The following GRM8 variants were observed in gnomAD, a reference collection of about 807,000 sequenced individuals.
The protein encoded by GRM8 is glutamate metabotropic receptor 8, also known as metabotropic glutamate receptor 8.
GRM8 carries 47 observed loss-of-function variants against 87.2 expected under a neutral mutation model. That is an observed-to-expected ratio of 0.54 (90% CI 0.43 to 0.69). The LOEUF is 0.69. GRM8 is among the 30% of genes least tolerant of loss of function. The pLI is 0.00. For synonymous variants in GRM8, 396 were observed against 404.5 expected, an observed-to-expected ratio of 0.98 and a Z score of 0.25; for missense variants, 1,019 against 1,139.2, an observed-to-expected ratio of 0.89 and a Z score of 1.52.
intron 3 of GRM8, among the ~76,000 whole-genome samples, chr7:127,082,834 G>A (rs1823013376): frequency 6.6e-6 from 1 of 152,224 alleles, no homozygotes; most frequent in Non-Finnish European, 1.5e-5. Flanking sequence ...CTTGTTTACA[G>A]ATGTGGCAGG....
Position 126,806,705 on chromosome 7 carries a change from C to T in GRM8, c.1157-36640G>A, listed in dbSNP as rs1433279979. ...CTTCACCTGTCACTGGCATGCGTCG[C>T]GGGACTTTGCGGCACCTAGCCAGCC... On this transcript the variant is annotated intron_variant, in intron 6 of 10. Coordinates refer to ENST00000339582, the MANE Select transcript of GRM8 (RefSeq NM_000845.3). Among the ~76,000 whole-genome samples the T allele has an allele frequency of 5.9e-5, 9 of 152,238 alleles. No homozygotes were observed. The East Asian group carries it at 7.7e-4, about 13-fold the overall frequency.
At position 127,142,923 on chromosome 7, in the gene GRM8, TAA is replaced by T. The variant is rs576048276; in HGVS notation, c.511-36213_511-36212del. ...AGTGTAAGTCATGATTTAAAAAAAATAAATAACCATTTGAAAGCCACTGTTGA... is the reference window on the plus strand; with the variant it reads ...AGTGTAAGTCATGATTTAAAAAAAATATAACCATTTGAAAGCCACTGTTGA... On this transcript the variant is annotated intron_variant, in intron 2 of 10. Coordinates refer to ENST00000339582, the MANE Select transcript of GRM8 (RefSeq NM_000845.3). Among the ~76,000 whole-genome samples, 174 of 152,244 alleles carry T rather than the reference TAA, an allele frequency of 1.1e-3. 1 individual carries two copies. Among genetic ancestry groups the T allele is most frequent in the African/African-American group, 4.2e-3 (173 of 41,552 alleles).
chr7:126,576,102 T>C (rs1335659917), intron 8 of GRM8, among the ~76,000 whole-genome samples: 1 of 152,140 alleles, frequency 6.6e-6, no homozygotes, highest in Non-Finnish European at 1.5e-5. Flanking sequence ...GCAAAGTCAA[T>C]GCCCCATGTA....
chr7:127,210,487 C>T (rs1270873353), intron 2 of GRM8, among the ~76,000 whole-genome samples: 1 of 152,174 alleles, frequency 6.6e-6, no homozygotes, highest in African/African-American at 2.4e-5. Context: ...CCATTCAAGT[C>T]AAAACTGGAT....
At chr7:127,194,787 C>G (rs1795198339) in intron 2 of GRM8, among the ~76,000 whole-genome samples, 1 of 152,190 alleles carries the variant, frequency 6.6e-6, no homozygotes, top group Middle Eastern at 3.4e-3. Context: ...ACTCCTTAGT[C>G]ACACTTACAT....
chr7:126,544,214 G>C (rs1816870186), intron 8 of GRM8, among the ~76,000 whole-genome samples: 4 of 152,166 alleles, frequency 2.6e-5, no homozygotes, highest in African/African-American at 7.2e-5. Context: ...TTAGGACTTA[G>C]TAGGAGTTCC....
At chr7:126,590,272 G>T (rs763323097) in intron 8 of GRM8, among the ~76,000 whole-genome samples, 8 of 151,638 alleles carry the variant, frequency 5.3e-5, no homozygotes, top group Non-Finnish European at 1.2e-4. Context: ...ACAAGCAGAA[G>T]AAAGAACTTC....
At chr7:127,180,419 C>A (rs1794369152) in intron 2 of GRM8, among the ~76,000 whole-genome samples, 1 of 151,772 alleles carries the variant, frequency 6.6e-6, no homozygotes, top group Non-Finnish European at 1.5e-5. Context: ...TACCAGACAT[C>A]CAAAAAAGAA....
At chr7:126,811,206 C>G (rs1204208332) in intron 6 of GRM8, among the ~76,000 whole-genome samples, 1 of 152,130 alleles carries the variant, frequency 6.6e-6, no homozygotes, top group East Asian at 1.9e-4. Context: ...TCTGGCTACT[C>G]TATTCTGTTC....
intron 3 of GRM8, among the ~76,000 whole-genome samples, chr7:126,977,412 T>C (rs1243371444): frequency 1.3e-5 from 2 of 152,326 alleles, no homozygotes; most frequent in Middle Eastern, 3.4e-3. Context: ...CCTACGTGTC[T>C]GTTAGAGAAT....
chr7:126,571,700 G>A (rs543777440), intron 8 of GRM8, among the ~76,000 whole-genome samples: 196 of 150,926 alleles, frequency 1.3e-3, no homozygotes, highest in African/African-American at 4.6e-3. Flanking sequence ...CAAGTCAATC[G>A]TTTTTCATAG....
intron 2 of GRM8, among the ~76,000 whole-genome samples, chr7:127,232,431 A>G (rs115165058): frequency 6.6e-6 from 1 of 152,014 alleles, no homozygotes; most frequent in African/African-American, 2.4e-5. Context: ...GGATCTTGTC[A>G]TGTTGCTCAG....
chr7:127,103,021 C>T (rs1346543629), intron 3 of GRM8, among the ~76,000 whole-genome samples: 7 of 152,204 alleles, frequency 4.6e-5, no homozygotes, highest in Admixed American at 4.6e-4. Flanking sequence ...TGCCACCATG[C>T]CCAGCTAATT....
rs183656822 is a variant in GRM8, at chr7:127,178,171, G to A, written c.510+64524C>T. Among the ~76,000 whole-genome samples, 258 of 152,190 alleles carry A rather than the reference G, an allele frequency of 1.7e-3. 1 individual carries two copies. The highest frequency in any genetic ancestry group is 5.9e-3 in the African/African-American group (247 of 41,546). ...TAAAGAAAAAGCAATCAAAAATTCAGGAAACTTTAGACACACTTTTAGAAA... is the reference window on the plus strand; with the variant it reads ...TAAAGAAAAAGCAATCAAAAATTCAAGAAACTTTAGACACACTTTTAGAAA... On this transcript the variant is annotated intron_variant, in intron 2 of 10. Transcript: ENST00000339582.
At chr7:127,003,995 AT>A (rs1047334099) in intron 3 of GRM8, among the ~76,000 whole-genome samples, 7 of 151,654 alleles carry the variant, frequency 4.6e-5, no homozygotes, top group African/African-American at 1.7e-4. Context: ...TTAACAGTTC[AT>A]TTTGCTGAGT....
At chr7:127,082,881 G>A (rs897809917) in intron 3 of GRM8, among the ~76,000 whole-genome samples, 15 of 152,168 alleles carry the variant, frequency 9.9e-5, no homozygotes, top group African/African-American at 2.4e-4. Flanking sequence ...ACATAGTCAC[G>A]CAGTGATGTC....
intron 1 of GRM8, among the ~76,000 whole-genome samples, chr7:127,250,587 T>TA (rs66498216): frequency 0.23 from 35,313 of 152,100 alleles, 4,655 homozygotes; most frequent in Middle Eastern, 0.38. Context: ...AATTGCATTT[T>TA]AAAAAACCTT....
chr7:126,843,479 T>G (rs755937254), intron 6 of GRM8, among the ~76,000 whole-genome samples: 9 of 152,228 alleles, frequency 5.9e-5, no homozygotes, highest in Non-Finnish European at 1.0e-4. Flanking sequence ...TTGACGAAGC[T>G]TCTTAGTTTC....
intron 6 of GRM8, among the ~76,000 whole-genome samples, chr7:126,824,112 A>G (rs1794540126): frequency 6.6e-6 from 1 of 152,202 alleles, no homozygotes; most frequent in African/African-American, 2.4e-5. Context: ...TTTACATAAA[A>G]CTAAAGAAAC....
Sources: allele counts gnomAD v4.1 joint callset (sites outside exome capture counted in the v4.1 genomes callset), GRCh38; gene constraint gnomAD v4.1.1; transcripts MANE v1.5; gene names NCBI Gene and HGNC (gene_info 2026-07-23, HGNC 2026-07-21).